The following COL8A1 variants were observed in gnomAD, a reference collection of about 807,000 sequenced individuals.
COL8A1 encodes the protein collagen type VIII alpha 1 chain.
A neutral mutation model predicts 42.7 loss-of-function variants in COL8A1; 21 were observed. That is an observed-to-expected ratio of 0.49 (90% CI 0.35 to 0.71). The LOEUF is 0.71. Ranked by LOEUF, COL8A1 falls within the 30% of genes least tolerant of loss-of-function variation. The pLI is 0.01. For missense variants in COL8A1, 788 were observed against 962.4 expected (o/e 0.82, Z 2.40); for synonymous variants, 367 against 369.1 (o/e 0.99, Z 0.06).
chr3:99,793,797 G>A (rs1942047415), intron 3 of COL8A1, among the ~76,000 whole-genome samples: 1 of 152,074 alleles, frequency 6.6e-6, no homozygotes, highest in South Asian at 2.1e-4. Flanking sequence ...TTTCACCCAG[G>A]CTGGAGTGCA....
chr3:99,689,070 C>A (rs1386180555), intron 1 of COL8A1, among the ~76,000 whole-genome samples: 2 of 152,168 alleles, frequency 1.3e-5, no homozygotes, highest in Non-Finnish European at 2.9e-5. Context: ...GTAATGGCCC[C>A]TTTAAGGCAA....
At chr3:99,666,388 C>T (rs796097006) in intron 1 of COL8A1, among the ~76,000 whole-genome samples, 1 of 152,220 alleles carries the variant, frequency 6.6e-6, no homozygotes, top group Non-Finnish European at 1.5e-5. Context: ...CATCAGAATA[C>T]TGAAGCAGAA....
chr3:99,721,608 A>G (rs1163632746), intron 1 of COL8A1, among the ~76,000 whole-genome samples: 1 of 152,108 alleles, frequency 6.6e-6, no homozygotes, highest in African/African-American at 2.4e-5. Context: ...TAAAATGCTT[A>G]TACAGTTGTA....
At chr3:99,747,918 C>T (rs1465670165) in intron 2 of COL8A1, among the ~76,000 whole-genome samples, 1 of 152,176 alleles carries the variant, frequency 6.6e-6, no homozygotes, top group African/African-American at 2.4e-5. Context: ...CAGATTCTAT[C>T]CTTCATTCTC....
chr3:99,793,827 C>G (rs1942048343), intron 3 of COL8A1, among the ~76,000 whole-genome samples: 1 of 151,900 alleles, frequency 6.6e-6, no homozygotes. Flanking sequence ...TCTCAGCTCA[C>G]TGCAACCTCT....
chr3:99,687,110 C>A (rs1939077747), intron 1 of COL8A1, among the ~76,000 whole-genome samples: 2 of 152,288 alleles, frequency 1.3e-5, no homozygotes, highest in African/African-American at 4.8e-5. Flanking sequence ...TCCCAAAGTG[C>A]TGGGATTACA....
At chr3:99,788,661 T>C (rs1339353318) in intron 2 of COL8A1, among the ~76,000 whole-genome samples, 1 of 152,208 alleles carries the variant, frequency 6.6e-6, no homozygotes, top group Non-Finnish European at 1.5e-5. Context: ...AGTCATATTT[T>C]AATAAATGAA....
At chr3:99,736,242 T>C (rs916769301) in intron 1 of COL8A1, among the ~76,000 whole-genome samples, 6 of 152,184 alleles carry the variant, frequency 3.9e-5, no homozygotes, top group Non-Finnish European at 7.3e-5. Flanking sequence ...AATTGTGATG[T>C]TAGGGTGTCA....
intron 2 of COL8A1, among the ~76,000 whole-genome samples, chr3:99,774,059 G>A (rs539098284): frequency 8.8e-4 from 132 of 149,982 alleles, no homozygotes; most frequent in Non-Finnish European, 1.6e-3. Context: ...TGGCCAGGCT[G>A]GTCTCAAACT....
At chr3:99,675,023 A>G (rs896179658) in intron 1 of COL8A1, among the ~76,000 whole-genome samples, 1 of 152,070 alleles carries the variant, frequency 6.6e-6, no homozygotes, top group African/African-American at 2.4e-5. Flanking sequence ...CCAACTTGAA[A>G]TTCACTATGT....
intron 1 of COL8A1, among the ~76,000 whole-genome samples, chr3:99,714,513 T>C (rs569069283): frequency 2.0e-5 from 3 of 152,240 alleles, no homozygotes; most frequent in South Asian, 2.1e-4. Flanking sequence ...TCTGAGAAAC[T>C]GACCTTTGTT....
chr3:99,682,635 G>A (rs1396675707), intron 1 of COL8A1, among the ~76,000 whole-genome samples: 2 of 150,380 alleles, frequency 1.3e-5, no homozygotes, highest in Non-Finnish European at 3.0e-5. Flanking sequence ...AAAAAGAAGT[G>A]CCTTAAGTGG....
At chr3:99,737,635 C>T (rs1329412837) in intron 1 of COL8A1, among the ~76,000 whole-genome samples, 1 of 152,132 alleles carries the variant, frequency 6.6e-6, no homozygotes, top group Non-Finnish European at 1.5e-5. Context: ...GGTAACCCGA[C>T]CTTTCTCTCT....
At chr3:99,754,911 C>T (rs554966399) in intron 2 of COL8A1, among the ~76,000 whole-genome samples, 19 of 152,276 alleles carry the variant, frequency 1.2e-4, no homozygotes, top group African/African-American at 4.3e-4. Context: ...GTGTAACATG[C>T]TAAGACTTGC....
chr3:99,794,249 A>G lies in COL8A1; in HGVS notation c.348A>G (p.Leu116=). Residue 116 remains leucine, a synonymous_variant, in exon 4 of 4, where the codon TTA becomes TTG. Coordinates refer to ENST00000652472, the MANE Select transcript of COL8A1 (RefSeq NM_020351.4). This position sits in a 1 kb window ranked among gnomAD's most constrained non-coding sequence, Gnocchi z 4.3. ...KKGKEIPLAS[L]RGEQGPRGEP... is the part of the protein sequence containing the mutation. The stretch of plus-strand genomic sequence containing the variant: ...CAGTAGAAATACCATTAGCCAGTTT[A>G]CGAGGGGAACAAGGTCCCCGTGGAG... The G allele has an allele frequency of 6.3e-7, 1 of 1,588,880 alleles. No homozygotes were observed. Among genetic ancestry groups the G allele is most frequent in the Non-Finnish European group, 8.6e-7 (1 of 1,168,826 alleles).
Position 99,748,092 on chromosome 3 carries a change from G to A in COL8A1, c.-4+3071G>A, listed in dbSNP as rs529836528. Reference sequence around the variant, plus strand: ...GCAGCTTCCTGAAAAGAGTATGGCAGTTATTAACGATCCCCATTATAAAGA... The same window carrying A: ...GCAGCTTCCTGAAAAGAGTATGGCAATTATTAACGATCCCCATTATAAAGA... On this transcript the variant is annotated intron_variant, in intron 2 of 3. Coordinates refer to ENST00000652472, the MANE Select transcript of COL8A1 (RefSeq NM_020351.4). Among the ~76,000 whole-genome samples, 6 of 152,320 alleles carry A rather than the reference G, an allele frequency of 3.9e-5. No individual in the cohort carries two copies. The East Asian group carries it at 1.2e-3, about 29-fold the overall frequency.
intron 2 of COL8A1, among the ~76,000 whole-genome samples, chr3:99,765,128 G>C (rs1227670289): frequency 6.6e-6 from 1 of 152,188 alleles, no homozygotes; most frequent in Non-Finnish European, 1.5e-5. Flanking sequence ...TGGCCACCAA[G>C]TGTAGGCAAT....
chr3:99,754,444 C>T (rs1269713822), intron 2 of COL8A1, among the ~76,000 whole-genome samples: 3 of 148,666 alleles, frequency 2.0e-5, no homozygotes, highest in Non-Finnish European at 4.5e-5. Context: ...TTTTTTTTTT[C>T]AAATTGTCTC....
chr3:99,659,474 T>C (rs1938132874), intron 1 of COL8A1, among the ~76,000 whole-genome samples: 1 of 152,134 alleles, frequency 6.6e-6, no homozygotes, highest in Non-Finnish European at 1.5e-5. Flanking sequence ...ATAATAACTA[T>C]CACATCATTC....
Sources: allele counts gnomAD v4.1 joint callset (sites outside exome capture counted in the v4.1 genomes callset), GRCh38; gene constraint gnomAD v4.1.1; non-coding constraint Gnocchi (gnomAD v3.1); transcripts MANE v1.5; gene names NCBI Gene and HGNC (gene_info 2026-07-23, HGNC 2026-07-21).